DOCK3: variants seen among roughly 807,000 people sequenced by gnomAD.
DOCK3 encodes the protein dedicator of cytokinesis 3, also known as dedicator of cytokinesis protein 3.
A neutral mutation model predicts 265.6 loss-of-function variants in DOCK3; 60 were observed. The observed-to-expected ratio is 0.23, with a 90% confidence interval of 0.18 to 0.28. The LOEUF is 0.28. Among genes scored for constraint, DOCK3 ranks in the 10% least tolerant of loss-of-function variants. The probability of loss-of-function intolerance (pLI) is 1.00; values close to 1 mark genes in which losing one functional copy is unlikely to be tolerated. For missense variants in DOCK3, 1,981 were observed against 2,594.3 expected (o/e 0.76, Z 5.14); for synonymous variants, 881 against 938.0 (o/e 0.94, Z 1.11).
At chr3:50,768,334 T>A (rs960370757) in intron 1 of DOCK3, among the ~76,000 whole-genome samples, 11 of 152,158 alleles carry the variant, frequency 7.2e-5, no homozygotes, top group Non-Finnish European at 1.6e-4. Context: ...TGAAGGGCTA[T>A]TGAATTTTGC....
rs1031573821 is a variant in DOCK3, at chr3:51,121,556, A to G, written c.747-24993A>G. Among the ~76,000 whole-genome samples, 3 of 152,302 alleles carry G rather than the reference A, an allele frequency of 2.0e-5. No individual in the cohort carries two copies. The South Asian group carries it at 6.2e-4, about 32-fold the overall frequency. ...CTCAGTGGGGCATTATTCCACAGGG[A>G]CTGGGAAGGAAGGATAGAAATACCT... On this transcript the variant is annotated intron_variant, in intron 9 of 52. Transcript: ENST00000266037.
chr3:51,374,371 G>A lies in DOCK3; in HGVS notation c.5294-98G>A. The stretch of plus-strand genomic sequence containing the variant: ...GTTCATCCTCACCCTAACTGTAAGG[G>A]ACACCTACCCTGGTTCCCTAGTCCT... On this transcript the variant is annotated intron_variant, in intron 49 of 52. Coordinates refer to ENST00000266037, the MANE Select transcript of DOCK3 (RefSeq NM_004947.5). This position sits in a 1 kb window ranked among gnomAD's most constrained non-coding sequence, Gnocchi z 4.8. 9.0e-7 allele frequency: 1 copy of A among 1,116,300 alleles called. No individual in the cohort carries two copies. The highest frequency in any genetic ancestry group is 1.4e-5 in the South Asian group (1 of 72,346). 69.1% of individuals were successfully genotyped at this position (1,116,300 alleles called of 1,614,324 possible). A position where few individuals can be genotyped will look rare whatever the true frequency, so the allele number is the denominator to read the frequency against.
chr3:51,275,287 A>T (rs1166553852), intron 25 of DOCK3, 81 bp downstream of exon 25: 1 of 1,583,986 alleles, frequency 6.3e-7, no homozygotes, highest in Non-Finnish European at 8.6e-7. Flanking sequence ...ACCAACAAAG[A>T]TCGCTTTGTA....
Position 51,141,299 on chromosome 3 carries a change from G to GTTT in DOCK3, c.747-5239_747-5237dup, listed in dbSNP as rs34416506. ...TGAAACTCACATAATTTCCTGGAGA[G>GTTT]TTTTTTTTTTTTTGACAGTTCCTAA... On this transcript the variant is annotated intron_variant, in intron 9 of 52. Coordinates refer to ENST00000266037, the MANE Select transcript of DOCK3 (RefSeq NM_004947.5). Among the ~76,000 whole-genome samples, 743 of 142,730 alleles carry GTTT rather than the reference G, an allele frequency of 5.2e-3. 8 individuals are homozygous for GTTT. The highest frequency in any genetic ancestry group is 0.015 in the South Asian group (68 of 4,580). The allele number at this position is 142,730 out of a possible 152,430, so 93.6% of individuals were successfully genotyped here. A position where few individuals can be genotyped will look rare whatever the true frequency, so the allele number is the denominator to read the frequency against.
intron 4 of DOCK3, among the ~76,000 whole-genome samples, chr3:50,902,707 G>A (rs2049264738): frequency 1.3e-5 from 2 of 152,120 alleles, no homozygotes; most frequent in South Asian, 4.1e-4. Context: ...TTCTAATTCT[G>A]TGAAGAATGT....
intron 1 of DOCK3, among the ~76,000 whole-genome samples, chr3:50,771,720 G>A (rs989623873): frequency 3.3e-5 from 5 of 152,022 alleles, no homozygotes; most frequent in Non-Finnish European, 7.4e-5. Context: ...GTGTGGTGGC[G>A]GGCGCCTGTA....
At chr3:51,007,038 G>A (rs2078709377) in intron 5 of DOCK3, among the ~76,000 whole-genome samples, 1 of 152,176 alleles carries the variant, frequency 6.6e-6, no homozygotes, top group Non-Finnish European at 1.5e-5. Context: ...GGACATTTGG[G>A]TTGGTTCCAA....
At chr3:51,242,317 A>G (rs1486713876) in intron 21 of DOCK3, among the ~76,000 whole-genome samples, 3 of 152,152 alleles carry the variant, frequency 2.0e-5, no homozygotes, top group Admixed American at 2.0e-4. Context: ...AGATGCTCCC[A>G]GACTGCTGGC....
At chr3:51,076,187 T>C (rs1425796405) in intron 7 of DOCK3, among the ~76,000 whole-genome samples, 1 of 152,224 alleles carries the variant, frequency 6.6e-6, no homozygotes, top group Non-Finnish European at 1.5e-5. Flanking sequence ...GCAAATAACA[T>C]ATCAATTGCT....
At chr3:50,923,064 G>T (rs1344838300) in intron 4 of DOCK3, among the ~76,000 whole-genome samples, 1 of 152,146 alleles carries the variant, frequency 6.6e-6, no homozygotes, top group Non-Finnish European at 1.5e-5. Context: ...ATAGACTTCA[G>T]TCTCATCCAG....
intron 13 of DOCK3, among the ~76,000 whole-genome samples, chr3:51,211,882 G>A (rs893918380): frequency 3.3e-5 from 5 of 152,180 alleles, no homozygotes; most frequent in Non-Finnish European, 5.9e-5. Flanking sequence ...ACCCAGTAAT[G>A]GGATGGCTGG....
intron 5 of DOCK3, among the ~76,000 whole-genome samples, chr3:51,041,862 T>C (rs1222764398): frequency 1.3e-5 from 2 of 152,148 alleles, no homozygotes; most frequent in African/African-American, 4.8e-5. Flanking sequence ...TAAATGAACA[T>C]TGCCTTCAAC....
intron 4 of DOCK3, among the ~76,000 whole-genome samples, chr3:50,905,406 C>T (rs1232744864): frequency 6.6e-6 from 1 of 151,982 alleles, no homozygotes; most frequent in East Asian, 1.9e-4. Context: ...ATGGAATGTT[C>T]TTCCATTTGT....
At chr3:50,910,938 C>T (rs2049821482) in intron 4 of DOCK3, among the ~76,000 whole-genome samples, 1 of 151,812 alleles carries the variant, frequency 6.6e-6, no homozygotes, top group Non-Finnish European at 1.5e-5. Context: ...GGTGTTCCTG[C>T]AGAGGATGAT....
intron 4 of DOCK3, among the ~76,000 whole-genome samples, chr3:50,912,001 A>G (rs72937265): frequency 0.072 from 10,946 of 151,976 alleles, 1,005 homozygotes; most frequent in East Asian, 0.33. Flanking sequence ...TTGAAGTGCT[A>G]CTGATTTTGG....
rs561594647 is a variant in DOCK3, at chr3:50,857,545, G to A, written c.162+15830G>A. Among the ~76,000 whole-genome samples, 23 of 152,124 alleles carry A rather than the reference G, an allele frequency of 1.5e-4. No individual in the cohort carries two copies. In the East Asian group the frequency reaches 2.1e-3, roughly 14 times the overall value. ...TTTTGCAGTCTACCCATCTGACAAA[G>A]GACTAATATCCAGAATCTACAAATA... On this transcript the variant is annotated intron_variant, in intron 3 of 52. Coordinates refer to ENST00000266037, the MANE Select transcript of DOCK3 (RefSeq NM_004947.5).
chr3:51,379,483 T>G, intron 51 of DOCK3: 1 of 985,432 alleles, frequency 1.0e-6, no homozygotes, highest in Non-Finnish European at 1.2e-6. Context: ...GGAGTCTGGA[T>G]AGCGGAGCCC....
At chr3:50,809,056 T>C (rs2043587762) in intron 2 of DOCK3, among the ~76,000 whole-genome samples, 1 of 152,154 alleles carries the variant, frequency 6.6e-6, no homozygotes, top group Non-Finnish European at 1.5e-5. Flanking sequence ...CAAAGATCTT[T>C]TATAAAGATA....
intron 9 of DOCK3, among the ~76,000 whole-genome samples, chr3:51,125,228 T>A (rs965585938): frequency 1.3e-5 from 2 of 152,192 alleles, no homozygotes; most frequent in Non-Finnish European, 2.9e-5. Context: ...TTCTAAAACC[T>A]AAAAGTTGTT....
Sources: gnomAD v4.1 joint callset for allele counts (sites outside exome capture counted in the v4.1 genomes callset) on GRCh38, gnomAD v4.1.1 for gene constraint, Gnocchi (gnomAD v3.1) non-coding constraint, MANE v1.5 for transcripts, NCBI Gene and HGNC (gene_info 2026-07-23, HGNC 2026-07-21) for gene names.